Variants in CACNA2D3 observed in about 807,000 individuals in gnomAD.
CACNA2D3 encodes the protein calcium voltage-gated channel auxiliary subunit alpha2delta 3, also known as voltage-dependent calcium channel subunit alpha-2/delta-3.
In CACNA2D3, 60 loss-of-function variants were observed where a neutral mutation model predicts 160.6. The ratio of observed to expected loss-of-function variants is 0.37; its 90% CI spans 0.30 to 0.46. The LOEUF is 0.46. CACNA2D3 is among the 20% of genes least tolerant of loss of function. The pLI is 1.00. For missense variants in CACNA2D3, 1,205 were observed against 1,365.0 expected (o/e 0.88, Z 1.85); for synonymous variants, 558 against 492.9 (o/e 1.13, Z -1.75).
chr3:54,423,980 C>A (rs1393357673), intron 4 of CACNA2D3, among the ~76,000 whole-genome samples: 1 of 151,662 alleles, frequency 6.6e-6, no homozygotes, highest in Non-Finnish European at 1.5e-5. Context: ...CAGCCTCAAA[C>A]CCCTGTGGTC....
At chr3:54,916,123 T>G (rs1399010889) in intron 27 of CACNA2D3, among the ~76,000 whole-genome samples, 1 of 152,168 alleles carries the variant, frequency 6.6e-6, no homozygotes, top group East Asian at 1.9e-4. Context: ...CCTCAGTAGC[T>G]CTCAGCTAAT....
In CACNA2D3 at chr3:54,885,601, A is replaced by G. The variant is rs17054513; in HGVS notation, c.2056+15A>G. 1 of 1,597,900 alleles carries G rather than the reference A, an allele frequency of 6.3e-7. No individual in the cohort carries two copies. On this transcript the variant is annotated intron_variant, in intron 23 of 37. Transcript: ENST00000474759. ...TCTGCTCCAGTGTGAGTATGCTTTCAAAAGTGTGCTGTGCCTTCAGGGGTG... is the reference window on the plus strand; with the variant it reads ...TCTGCTCCAGTGTGAGTATGCTTTCGAAAGTGTGCTGTGCCTTCAGGGGTG...
intron 3 of CACNA2D3, among the ~76,000 whole-genome samples, chr3:54,337,955 C>A (rs548299028): frequency 6.6e-6 from 1 of 152,340 alleles, no homozygotes; most frequent in South Asian, 2.1e-4. Flanking sequence ...ACACAGGCTG[C>A]CACTTGCATC....
chr3:54,319,746 A>G (rs1244164468), intron 2 of CACNA2D3, among the ~76,000 whole-genome samples: 1 of 152,176 alleles, frequency 6.6e-6, no homozygotes, highest in African/African-American at 2.4e-5. Flanking sequence ...TAAAACCAAG[A>G]AATTCAAAAA....
intron 12 of CACNA2D3, among the ~76,000 whole-genome samples, chr3:54,762,517 G>C (rs920867549): frequency 3.3e-5 from 5 of 152,224 alleles, no homozygotes; most frequent in South Asian, 2.1e-4. Context: ...GGCCCCAGGG[G>C]GGGCAGGGGT....
intron 35 of CACNA2D3, among the ~76,000 whole-genome samples, chr3:55,037,030 G>A: frequency 2.6e-5 from 1 of 38,338 alleles, no homozygotes; most frequent in East Asian, 1.4e-3. Context: ...CTGATGCATG[G>A]CCAGGCTGGG....
intron 16 of CACNA2D3, among the ~76,000 whole-genome samples, chr3:54,840,426 T>G (rs1178517317): frequency 1.4e-5 from 2 of 145,606 alleles, no homozygotes; most frequent in Non-Finnish European, 3.0e-5. Flanking sequence ...TTTTTTTTTT[T>G]TTGAGATGGA....
intron 14 of CACNA2D3, among the ~76,000 whole-genome samples, chr3:54,832,022 C>CAA (rs1703891445): frequency 7.3e-6 from 1 of 136,440 alleles, no homozygotes; most frequent in Non-Finnish European, 1.5e-5. Flanking sequence ...CACACACACA[C>CAA]ACACACACAC....
At chr3:54,842,267 C>T (rs955497257) in intron 16 of CACNA2D3, among the ~76,000 whole-genome samples, 6 of 152,174 alleles carry the variant, frequency 3.9e-5, no homozygotes, top group Non-Finnish European at 8.8e-5. Flanking sequence ...TTCTGAATAT[C>T]AGGAAGACTT....
rs1178141064 is a variant in CACNA2D3, at chr3:54,987,684, C to T, written c.2621C>T (p.Thr874Ile). 1.9e-6 allele frequency: 3 copies of T among 1,602,082 alleles called. No homozygotes were observed. Among genetic ancestry groups the T allele is most frequent in the African/African-American group, 1.3e-5 (1 of 74,152 alleles). Residue 874 changes from threonine to isoleucine, a missense_variant and splice_region_variant, in exon 31 of 38, where the codon ACT becomes ATT. By Grantham distance (89) the Thr-to-Ile change is moderately conservative. This residue lies in a region of CACNA2D3 where 911 missense variants were observed against 1,002.2 expected (regional missense o/e 0.91). Coordinates refer to ENST00000474759, the MANE Select transcript of CACNA2D3 (RefSeq NM_018398.3). ...CCTCATATGTCTTCTTCCCCATAGACTGGAGACTTTTTTGGTGAGATCGAG... is the reference window on the plus strand; with the variant it reads ...CCTCATATGTCTTCTTCCCCATAGATTGGAGACTTTTTTGGTGAGATCGAG... ...FILVSEDYTQ[T>I]GDFFGEIEGA...
chr3:54,626,419 A>G (rs2106814286), intron 9 of CACNA2D3: 1 of 1,583,978 alleles, frequency 6.3e-7, no homozygotes, highest in Admixed American at 1.9e-5. Context: ...GGCGCTGCCC[A>G]TGGAGAAGCC....
intron 17 of CACNA2D3, 75 bp downstream of exon 17, chr3:54,846,542 C>G (rs1698936516): frequency 1.1e-6 from 1 of 906,658 alleles, no homozygotes; most frequent in African/African-American, 1.7e-5. Context: ...ACAGTGATGA[C>G]ACTTTGCTGC....
intron 35 of CACNA2D3, among the ~76,000 whole-genome samples, chr3:55,057,162 C>T (rs528847495): frequency 2.4e-4 from 37 of 152,294 alleles, no homozygotes; most frequent in African/African-American, 8.9e-4. Flanking sequence ...CGTCCCTTTG[C>T]TCTTCCTTCG....
chr3:54,753,731 C>A lies in CACNA2D3; in HGVS notation c.1246+1054C>A, dbSNP rs193200723. On this transcript the variant is annotated intron_variant, in intron 12 of 37. Transcript: ENST00000474759. ...AATGGTAATGGTAATAATAATTCTTCCTTTAATTTTTTAACTATCAAATAA... is the reference window on the plus strand; with the variant it reads ...AATGGTAATGGTAATAATAATTCTTACTTTAATTTTTTAACTATCAAATAA... Among the ~76,000 whole-genome samples the A allele has an allele frequency of 3.4e-3, 518 of 152,180 alleles. 1 individual carries two copies. Among genetic ancestry groups the A allele is most frequent in the Non-Finnish European group, 5.6e-3 (384 of 67,992 alleles).
chr3:54,739,749 ATATGTGTGTG>A (rs763822516), intron 11 of CACNA2D3, among the ~76,000 whole-genome samples: 4 of 80,774 alleles, frequency 5.0e-5, no homozygotes, highest in East Asian at 3.8e-4. Context: ...TTCTCCTCAT[ATATGTGTGTG>A]TGTGTGTGTG....
At chr3:54,699,862 A>G (rs1700734340) in intron 11 of CACNA2D3, among the ~76,000 whole-genome samples, 2 of 152,204 alleles carry the variant, frequency 1.3e-5, no homozygotes. Flanking sequence ...CTCACCACAC[A>G]GTAAGGGTGC....
At chr3:54,832,488 T>TC (rs1703902677) in intron 14 of CACNA2D3, among the ~76,000 whole-genome samples, 1 of 152,194 alleles carries the variant, frequency 6.6e-6, no homozygotes, top group Non-Finnish European at 1.5e-5. Flanking sequence ...CCTGCATTGT[T>TC]CCATTTACCA....
intron 2 of CACNA2D3, among the ~76,000 whole-genome samples, chr3:54,182,461 A>G (rs900493025): frequency 3.3e-5 from 5 of 152,230 alleles, no homozygotes; most frequent in African/African-American, 1.2e-4. Flanking sequence ...ACTGGCATAA[A>G]TAAATGCATT....
At chr3:54,397,501 A>G (rs1303866750) in intron 4 of CACNA2D3, among the ~76,000 whole-genome samples, 1 of 131,830 alleles carries the variant, frequency 7.6e-6, no homozygotes. Flanking sequence ...CGTCCCAGAG[A>G]TTCTGGTATG....
Sources: gnomAD v4.1 joint callset for allele counts (sites outside exome capture counted in the v4.1 genomes callset) on GRCh38, gnomAD v4.1.1 for gene constraint, gnomAD v4.1.1 regional missense constraint, MANE v1.5 for transcripts, NCBI Gene and HGNC (gene_info 2026-07-23, HGNC 2026-07-21) for gene names.